The following PDE6A variants were observed in gnomAD, a reference collection of about 807,000 sequenced individuals.
PDE6A encodes the protein rod cGMP-specific 3',5'-cyclic phosphodiesterase subunit alpha.
PDE6A carries 84 observed loss-of-function variants against 106.3 expected under a neutral mutation model. That is an observed-to-expected ratio of 0.79 (90% CI 0.66 to 0.95). The LOEUF is 0.95. PDE6A is among the 40% of genes least tolerant of loss of function. The pLI, the probability that PDE6A is intolerant of heterozygous loss-of-function variation, is 0.00. For synonymous variants in PDE6A, 394 were observed against 386.6 expected, an observed-to-expected ratio of 1.02 and a Z score of -0.23; for missense variants, 1,052 against 1,084.9, an observed-to-expected ratio of 0.97 and a Z score of 0.43.
chr5:149,872,450 C>T (rs942437354), intron 17 of PDE6A, among the ~76,000 whole-genome samples: 8 of 152,272 alleles, frequency 5.3e-5, no homozygotes, highest in African/African-American at 1.9e-4. Context: ...CTGGGTCACC[C>T]TCGTGTGTAG....
intron 13 of PDE6A, among the ~76,000 whole-genome samples, chr5:149,887,192 G>C (rs1037864721): frequency 6.6e-6 from 1 of 152,188 alleles, no homozygotes; most frequent in Non-Finnish European, 1.5e-5. Flanking sequence ...GTTTGTAATA[G>C]TGAAAGATTG....
chr5:149,934,524 ATG>A, intron 2 of PDE6A, 40 bp downstream of exon 2: 1 of 1,605,298 alleles, frequency 6.2e-7, no homozygotes, highest in Admixed American at 1.7e-5. Context: ...GGCTGGGAGA[ATG>A]TGCTAGCATG....
Position 149,886,302 on chromosome 5 carries a change from T to C in PDE6A, c.1801A>G (p.Ile601Val). The C allele has an allele frequency of 6.2e-7, 1 of 1,614,130 alleles. No individual in the cohort carries two copies. The highest frequency in any genetic ancestry group is 8.5e-7 in the Non-Finnish European group (1 of 1,179,982). Residue 601 changes from isoleucine to valine, a missense_variant, in exon 14 of 22, where the codon ATT becomes GTT. Around this residue, in one of 3 missense-constraint regions of PDE6A, gnomAD observed 913 missense variants for 915.2 expected, o/e 1.00. Transcript: ENST00000255266. ...AMVTAAFCHDIDHRGTNNLYQ... is the reference protein window; with the variant it reads ...AMVTAAFCHDVDHRGTNNLYQ... The stretch of plus-strand genomic sequence containing the variant: ...AGGTTATTGGTGCCTCTGTGGTCAA[T>C]GTCATGGCAGAAAGCAGCAGTGACC...
intron 4 of PDE6A, among the ~76,000 whole-genome samples, chr5:149,926,155 T>C (rs1753858908): frequency 6.6e-6 from 1 of 152,056 alleles, no homozygotes; most frequent in Non-Finnish European, 1.5e-5. Context: ...GGCAGGAGAA[T>C]TGCTTGAACC....
chr5:149,930,331 G>C (rs1274172517), intron 4 of PDE6A, among the ~76,000 whole-genome samples: 1 of 152,130 alleles, frequency 6.6e-6, no homozygotes, highest in Admixed American at 6.5e-5. Flanking sequence ...ACCACCCTCA[G>C]CATGACAAGG....
chr5:149,922,137 A>G (rs1185072750), intron 4 of PDE6A, among the ~76,000 whole-genome samples: 2 of 152,158 alleles, frequency 1.3e-5, no homozygotes, highest in African/African-American at 4.8e-5. Context: ...TATTAAATCA[A>G]TTATGGTACA....
Position 149,863,390 on chromosome 5 carries a change from C to T in PDE6A, c.2359-124G>A. The T allele has an allele frequency of 1.1e-6, 1 of 934,424 alleles. No homozygotes were observed. Among genetic ancestry groups the T allele is most frequent in the East Asian group, 2.6e-5 (1 of 38,546 alleles). The allele number at this position is 934,424 out of a possible 1,614,324, so 57.9% of individuals were successfully genotyped here. A position where few individuals can be genotyped will look rare whatever the true frequency, so the allele number is the denominator to read the frequency against. On this transcript the variant is annotated intron_variant, in intron 20 of 21. Transcript: ENST00000255266. This position sits in a 1 kb window ranked among gnomAD's most constrained non-coding sequence, Gnocchi z 4.7. ...TGCTTCGGAGTAGCAGGCCTCCCGC[C>T]ACCGTGCTGATACTGCAGGGCCTCC...
intron 13 of PDE6A, among the ~76,000 whole-genome samples, chr5:149,890,095 A>T (rs1239894171): frequency 6.6e-6 from 1 of 151,364 alleles, no homozygotes; most frequent in Non-Finnish European, 1.5e-5. Flanking sequence ...AGCCGGGATT[A>T]CAGACACACC....
chr5:149,868,273 G>T (rs1198382365), intron 17 of PDE6A, 115 bp from the exon 18 acceptor site: 4 of 1,016,010 alleles, frequency 3.9e-6, no homozygotes, highest in Non-Finnish European at 6.1e-6. Flanking sequence ...TTGTCTCATT[G>T]TGAGGAAAGG....
chr5:149,900,255 G>A (rs904581351), intron 8 of PDE6A, among the ~76,000 whole-genome samples: 16 of 151,324 alleles, frequency 1.1e-4, no homozygotes, highest in Non-Finnish European at 5.9e-5. Context: ...CCAGCTACTC[G>A]GGAGGCTGAG....
chr5:149,896,275 T>C (rs1752745484), intron 12 of PDE6A, 81 bp downstream of exon 12: 2 of 1,186,096 alleles, frequency 1.7e-6, no homozygotes, highest in Non-Finnish European at 2.5e-6. Flanking sequence ...TTTAAGGTAG[T>C]TTACAGATTG....
rs140695860 is a variant in PDE6A, at chr5:149,880,026, C to G, written c.2135+3403G>C. 3.3e-3 allele frequency among the ~76,000 whole-genome samples: 504 copies of G among 152,298 alleles called. 3 individuals carry two copies. Among genetic ancestry groups the G allele is most frequent in the African/African-American group, 0.011 (461 of 41,566 alleles). Reference sequence around the variant, plus strand: ...TAGTCCTTAAGTTCATCCCATTGATCTGAACGACTTCTCCTGCCTAGGACA... The same window carrying G: ...TAGTCCTTAAGTTCATCCCATTGATGTGAACGACTTCTCCTGCCTAGGACA... On this transcript the variant is annotated intron_variant, in intron 17 of 21. Coordinates refer to ENST00000255266, the MANE Select transcript of PDE6A (RefSeq NM_000440.3).
intron 6 of PDE6A, 136 bp downstream of exon 6, chr5:149,914,807 T>G: frequency 1.4e-6 from 1 of 730,152 alleles, no homozygotes; most frequent in Non-Finnish European, 2.5e-6. Flanking sequence ...CTTCTCTGTC[T>G]ATAAAGTCAA....
In PDE6A at chr5:149,924,718, G is replaced by A. The variant is rs184722835; in HGVS notation, c.859-3009C>T. 9.7e-4 allele frequency among the ~76,000 whole-genome samples: 147 copies of A among 152,244 alleles called. 1 individual carries two copies. The highest frequency in any genetic ancestry group is 2.3e-3 in the African/African-American group (94 of 41,532). On this transcript the variant is annotated intron_variant, in intron 4 of 21. Transcript: ENST00000255266. ...GTTTATGTGAAGGACTTATATAGCC[G>A]GCAAGGCAGCAGGGAGTTAGTGGGC...
chr5:149,907,062 G>T (rs1202050035), intron 7 of PDE6A, among the ~76,000 whole-genome samples: 1 of 152,192 alleles, frequency 6.6e-6, no homozygotes, highest in Admixed American at 6.5e-5. Flanking sequence ...GTGAGCCACT[G>T]TACCCGGCCA....
At chr5:149,918,404 G>A (rs1753616503) in intron 5 of PDE6A, among the ~76,000 whole-genome samples, 1 of 152,084 alleles carries the variant, frequency 6.6e-6, no homozygotes. Context: ...TGGTGGTGGT[G>A]GAATACGTAT....
At chr5:149,889,528 G>C (rs910362602) in intron 13 of PDE6A, among the ~76,000 whole-genome samples, 1 of 151,906 alleles carries the variant, frequency 6.6e-6, no homozygotes, top group Non-Finnish European at 1.5e-5. Context: ...CTGCGGTTTG[G>C]ACCTCCTGGG....
At chr5:149,884,905 A>G (rs766418482) in intron 14 of PDE6A, 38 bp from the exon 15 acceptor site, 2 of 1,491,438 alleles carry the variant, frequency 1.3e-6, no homozygotes, top group Non-Finnish European at 9.4e-7. Flanking sequence ...TGGAGTGGAC[A>G]ATAGAAAATT....
rs138007954 is a variant in PDE6A, at chr5:149,922,551, A to T, written c.859-842T>A. Among the ~76,000 whole-genome samples the T allele has an allele frequency of 7.2e-3, 1,090 of 152,226 alleles. 14 individuals carry two copies. Among genetic ancestry groups the T allele is most frequent in the African/African-American group, 0.025 (1,030 of 41,514 alleles). On this transcript the variant is annotated intron_variant, in intron 4 of 21. Coordinates refer to ENST00000255266, the MANE Select transcript of PDE6A (RefSeq NM_000440.3). The stretch of plus-strand genomic sequence containing the variant: ...AGTCTCGAACTCCAGACCTCAGGTG[A>T]TCCATCTGCCTCAGCCTCCCAAAGT...
Sources: allele counts gnomAD v4.1 joint callset (sites outside exome capture counted in the v4.1 genomes callset), GRCh38; gene constraint gnomAD v4.1.1; regional missense constraint gnomAD v4.1.1; non-coding constraint Gnocchi (gnomAD v3.1); transcripts MANE v1.5; gene names NCBI Gene and HGNC (gene_info 2026-07-23, HGNC 2026-07-21).